ATXN2L: variants seen among roughly 807,000 people sequenced by gnomAD.
ATXN2L encodes ataxin-2-like protein.
A neutral mutation model predicts 120.7 loss-of-function variants in ATXN2L; 24 were observed. That is an observed-to-expected ratio of 0.20 (90% CI 0.14 to 0.28). The LOEUF (loss-of-function observed/expected upper bound fraction) is 0.28. ATXN2L is among the 10% of genes least tolerant of loss of function. ATXN2L has a pLI of 1.00. For missense variants in ATXN2L, 1,312 were observed against 1,432.3 expected, an observed-to-expected ratio of 0.92 and a Z score of 1.36; for synonymous variants, 653 against 568.1, an observed-to-expected ratio of 1.15 and a Z score of -2.13.
chr16:28,835,605 C>T lies in ATXN2L; in HGVS notation c.2742C>T (p.Tyr914=). ...LGSGQPQQNL[Y]HPGALTGTPP... is the part of the protein sequence containing the mutation. ...GTGGACAGCCACAGCAGAATCTGTA[C>T]CACCCAGGGGCCCTGACAGGCACGC... Residue 914 remains tyrosine, a synonymous_variant, in exon 21 of 22, where the codon TAC becomes TAT. Coordinates refer to ENST00000336783, the MANE Select transcript of ATXN2L (RefSeq NM_007245.4). 2 of 1,614,054 alleles carry T rather than the reference C, an allele frequency of 1.2e-6. No individual in the cohort carries two copies. Among genetic ancestry groups the T allele is most frequent in the South Asian group, 2.2e-5 (2 of 91,086 alleles).
At position 28,837,203 on chromosome 16, in the gene ATXN2L, A is replaced by G. The variant is rs1961320167; in HGVS notation, c.*938A>G. 1 of 169,842 alleles carries G rather than the reference A, an allele frequency of 5.9e-6. No individual in the cohort carries two copies. The highest frequency in any genetic ancestry group is 1.2e-5 in the Non-Finnish European group (1 of 80,914). The allele number at this position is 169,842 out of a possible 1,614,324, so 10.5% of individuals were successfully genotyped here. A position where few individuals can be genotyped will look rare whatever the true frequency, so the allele number is the denominator to read the frequency against. On this transcript the variant is annotated 3_prime_UTR_variant, in exon 22 of 22. Coordinates refer to ENST00000336783, the MANE Select transcript of ATXN2L (RefSeq NM_007245.4). ...TTTTATTACATAAAAATATTAAAAAATAAATAAAAAAAATAAAATTTTAAA... is the reference window on the plus strand; with the variant it reads ...TTTTATTACATAAAAATATTAAAAAGTAAATAAAAAAAATAAAATTTTAAA...
intron 2 of ATXN2L, 55 bp from the exon 3 acceptor site, chr16:28,825,569 A>T: frequency 6.3e-7 from 1 of 1,587,492 alleles, no homozygotes; most frequent in Non-Finnish European, 8.7e-7. Flanking sequence ...TTAGAAAAGA[A>T]AATGAGGTGT....
Position 28,834,094 on chromosome 16 carries a change from G to A in ATXN2L, c.2055G>A (p.Pro685=), listed in dbSNP as rs149839980. ...VNKSTSTPTS[P]GPRTHSTPSI... Reference sequence around the variant, plus strand: ...AATCCACCAGTACCCCAACTTCTCCGGGGCCCCGGACTCATTCAACTCCCT... The same window carrying A: ...AATCCACCAGTACCCCAACTTCTCCAGGGCCCCGGACTCATTCAACTCCCT... Residue 685 remains proline, a synonymous_variant, in exon 16 of 22, where the codon CCG becomes CCA. Coordinates refer to ENST00000336783, the MANE Select transcript of ATXN2L (RefSeq NM_007245.4). 2.2e-4 allele frequency: 357 copies of A among 1,613,868 alleles called. No individual in the cohort carries two copies. The highest frequency in any genetic ancestry group is 2.9e-4 in the Non-Finnish European group (342 of 1,179,954).
At chr16:28,831,618 A>G (rs994989615) in intron 10 of ATXN2L, among the ~76,000 whole-genome samples, 6 of 152,074 alleles carry the variant, frequency 3.9e-5, no homozygotes, top group African/African-American at 1.4e-4. Flanking sequence ...GTGAGCCACC[A>G]CACCCTGCCA....
intron 6 of ATXN2L, among the ~76,000 whole-genome samples, chr16:28,827,809 A>G (rs2151979520): frequency 6.6e-6 from 1 of 152,332 alleles, no homozygotes; most frequent in East Asian, 1.9e-4. Context: ...CCAGCTACTC[A>G]GGAGGCTGAG....
intron 1 of ATXN2L, chr16:28,824,795 T>C (rs762392030): frequency 9.2e-5 from 17 of 185,246 alleles, no homozygotes; most frequent in Non-Finnish European, 1.3e-4. Context: ...TTCTCGTTGG[T>C]TCTTAGAGCA....
chr16:28,823,479 G>T lies in ATXN2L; in HGVS notation c.220G>T (p.Glu74Ter). The stretch of plus-strand genomic sequence containing the variant: ...CGGGAGCGGGCTCCGCCGGGGAGCC[G>T]AAGGCATCTTGGCGCCGCAGCCGCC... ...AAGSGLRRGA[E>*]GILAPQPPPP... is the part of the protein sequence containing the mutation. Residue 74 changes from glutamate to a stop codon, truncating the protein, a stop_gained, in exon 1 of 22, where the codon GAA becomes TAA. Coordinates refer to ENST00000336783, the MANE Select transcript of ATXN2L (RefSeq NM_007245.4). LOFTEE classifies it high-confidence loss of function. 7.3e-7 allele frequency: 1 copy of T among 1,369,530 alleles called. No homozygotes were observed. Among genetic ancestry groups the T allele is most frequent in the Non-Finnish European group, 9.4e-7 (1 of 1,065,228 alleles). 84.8% of individuals were successfully genotyped at this position (1,369,530 alleles called of 1,614,324 possible).
intron 4 of ATXN2L, 21 bp from the exon 5 acceptor site, chr16:28,826,219 T>C: frequency 1.2e-6 from 2 of 1,612,296 alleles, no homozygotes; most frequent in Non-Finnish European, 1.7e-6. Context: ...CCCATGGGTG[T>C]GGGGAATGGG....
chr16:28,830,150 T>C, intron 8 of ATXN2L, 92 bp downstream of exon 8: 1 of 1,272,350 alleles, frequency 7.9e-7, no homozygotes, highest in South Asian at 1.6e-5. Context: ...GTTTAAGCCT[T>C]GTGACCATGT....
Position 28,832,222 on chromosome 16 carries a change from C to A in ATXN2L, c.1339C>A (p.Pro447Thr), listed in dbSNP as rs201088101. 6.2e-7 allele frequency: 1 copy of A among 1,614,180 alleles called. No homozygotes were observed. Among genetic ancestry groups the A allele is most frequent in the South Asian group, 1.1e-5 (1 of 91,080 alleles). Residue 447 changes from proline (P) to threonine (T), a missense_variant, in exon 11 of 22, where the codon CCG becomes ACG. Pro to Thr is a conservative substitution (Grantham distance 38). Coordinates refer to ENST00000336783, the MANE Select transcript of ATXN2L (RefSeq NM_007245.4). ...TCTTCCAGTGGGCCGGATGTATCCC[C>A]CGCGTTCTCCCAAGTCTGCTGCCCC... The part of the protein sequence containing the change: ...PPPAVGRMYP[P>T]RSPKSAAPAP...
Position 28,833,188 on chromosome 16 carries a change from T to C in ATXN2L, c.1789T>C (p.Ser597Pro). ...TTCAGAGCCCATGGGGTCTCCCGTC[T>C]CCTCCAAGACAGAGTCCGTATCGGA... Reference protein sequence around the residue: ...LTSEPMGSPVSSKTESVSDKE... With the variant: ...LTSEPMGSPVPSKTESVSDKE... The change falls in exon 14 of 22, where the codon TCC (serine) becomes CCC (proline). Residue 597 changes from serine (S) to proline (P), a missense_variant. Transcript: ENST00000336783. The C allele has an allele frequency of 6.2e-7, 1 of 1,614,080 alleles. No individual in the cohort carries two copies.
Position 28,823,036 on chromosome 16 carries a change from T to C in ATXN2L, c.-224T>C. ...GCGCGCCAGCCCGGCTCGCGCCCTC[T>C]CGCTTTCCTCCAGCCGCGAGACCCC... On this transcript the variant is annotated 5_prime_UTR_variant, in exon 1 of 22. Coordinates refer to ENST00000336783, the MANE Select transcript of ATXN2L (RefSeq NM_007245.4). 4.2e-6 allele frequency: 1 copy of C among 236,880 alleles called. No individual in the cohort carries two copies. The highest frequency in any genetic ancestry group is 7.9e-6 in the Non-Finnish European group (1 of 126,136). 14.7% of individuals were successfully genotyped at this position (236,880 alleles called of 1,614,324 possible).
At position 28,834,325 on chromosome 16, in the gene ATXN2L, C is replaced by T; in HGVS notation, c.2173-18C>T. 1 of 1,613,344 alleles carries T rather than the reference C, an allele frequency of 6.2e-7. No individual in the cohort carries two copies. The highest frequency in any genetic ancestry group is 8.5e-7 in the Non-Finnish European group (1 of 1,179,294). On this transcript the variant is annotated intron_variant, in intron 16 of 21. Coordinates refer to ENST00000336783, the MANE Select transcript of ATXN2L (RefSeq NM_007245.4). Reference sequence around the variant, plus strand: ...TCGTGAGCGAGTCATTCAGCCTCATCTGTGTCCTCATCCCCAGGCACCTCA... The same window carrying T: ...TCGTGAGCGAGTCATTCAGCCTCATTTGTGTCCTCATCCCCAGGCACCTCA...
In ATXN2L at chr16:28,836,451, C is replaced by T. The variant is rs201701678; in HGVS notation, c.*186C>T. Reference sequence around the variant, plus strand: ...CCCCCTCCCCACTGCCTCCCCAGCTCTCAGTGACCCCGACTGTCTCCTGAC... The same window carrying T: ...CCCCCTCCCCACTGCCTCCCCAGCTTTCAGTGACCCCGACTGTCTCCTGAC... On this transcript the variant is annotated 3_prime_UTR_variant, in exon 22 of 22. Coordinates refer to ENST00000336783, the MANE Select transcript of ATXN2L (RefSeq NM_007245.4). 1 of 1,612,930 alleles carries T rather than the reference C, an allele frequency of 6.2e-7. No homozygotes were observed.
chr16:28,826,064 G>A, intron 4 of ATXN2L, 176 bp from the exon 5 acceptor site: 2 of 845,644 alleles, frequency 2.4e-6, no homozygotes, highest in Non-Finnish European at 3.6e-6. Flanking sequence ...GCTAAGTCCT[G>A]TGGCTGATGT....
Position 28,829,846 on chromosome 16 carries a change from G to A in ATXN2L, c.834-12G>A, listed in dbSNP as rs761577273. The A allele has an allele frequency of 1.2e-6, 2 of 1,613,822 alleles. No individual in the cohort carries two copies. Among genetic ancestry groups the A allele is most frequent in the East Asian group, 2.2e-5 (1 of 44,880 alleles). On this transcript the variant is annotated splice_polypyrimidine_tract_variant and intron_variant, in intron 7 of 21. Coordinates refer to ENST00000336783, the MANE Select transcript of ATXN2L (RefSeq NM_007245.4). ...GCACTGGGATGGTGGTGGTCTGTGGGTGCTGTCTCAGGGTGCCCTTAGAAA... is the reference window on the plus strand; with the variant it reads ...GCACTGGGATGGTGGTGGTCTGTGGATGCTGTCTCAGGGTGCCCTTAGAAA...
chr16:28,836,934 C>T lies in ATXN2L; in HGVS notation c.*669C>T, dbSNP rs1482318964. On this transcript the variant is annotated 3_prime_UTR_variant, in exon 22 of 22. Transcript: ENST00000336783. ...CAAGCACCTTGAATGGGAGGGGCCT[C>T]ACAGAGGGCAGGGCCAGGGTCCAGC... 2.5e-6 allele frequency: 2 copies of T among 801,498 alleles called. No individual in the cohort carries two copies. Among genetic ancestry groups the T allele is most frequent in the African/African-American group, 1.7e-5 (1 of 58,320 alleles). The allele number at this position is 801,498 out of a possible 1,614,324, so 49.6% of individuals were successfully genotyped here.
rs748466376 is a variant in ATXN2L, at chr16:28,832,272, A to G, written c.1389A>G (p.Pro463=). 8.1e-6 allele frequency: 13 copies of G among 1,614,006 alleles called. No individual in the cohort carries two copies. Among genetic ancestry groups the G allele is most frequent in the Non-Finnish European group, 1.1e-5 (13 of 1,180,038 alleles). Residue 463 remains proline, a synonymous_variant, in exon 11 of 22, where the codon CCA becomes CCG. Coordinates refer to ENST00000336783, the MANE Select transcript of ATXN2L (RefSeq NM_007245.4). ...AAPAPISASC[P]EPPIGSAVPT... is the part of the protein sequence containing the mutation. The stretch of plus-strand genomic sequence containing the variant: ...CTGCCCCAATCTCAGCTTCCTGTCC[A>G]GAGCCTCCCATCGGCTCGGCAGTGC...
intron 1 of ATXN2L, chr16:28,824,597 T>A (rs994457750): frequency 2.2e-4 from 267 of 1,238,980 alleles, no homozygotes; most frequent in Non-Finnish European, 2.6e-4. Context: ...GTGGAGGGGA[T>A]ACCCCTCCTC....
Sources: allele counts gnomAD v4.1 joint callset (sites outside exome capture counted in the v4.1 genomes callset), GRCh38; gene constraint gnomAD v4.1.1; transcripts MANE v1.5; gene names NCBI Gene and HGNC (gene_info 2026-07-23, HGNC 2026-07-21).